IGF2BP3: variants seen among roughly 807,000 people sequenced by gnomAD.
The protein encoded by IGF2BP3 is insulin-like growth factor 2 mRNA-binding protein 3.
In IGF2BP3, 9 loss-of-function variants were observed where a neutral mutation model predicts 73.8. That is an observed-to-expected ratio of 0.12 (90% CI 0.07 to 0.21). IGF2BP3 has a LOEUF of 0.21. IGF2BP3 is among the 10% of genes least tolerant of loss of function. IGF2BP3 has a pLI of 1.00. For synonymous variants in IGF2BP3, 258 were observed against 256.7 expected (o/e 1.01, Z -0.05); for missense variants, 542 against 714.0 (o/e 0.76, Z 2.75).
chr7:23,397,999 G>A (rs1562726374), intron 3 of IGF2BP3, among the ~76,000 whole-genome samples: 1 of 152,264 alleles, frequency 6.6e-6, no homozygotes, highest in East Asian at 1.9e-4. Context: ...CAGAAGCAGA[G>A]GCTGAAGTGG....
intron 5 of IGF2BP3, among the ~76,000 whole-genome samples, chr7:23,359,779 C>A (rs755334306): frequency 5.3e-5 from 8 of 152,074 alleles, no homozygotes; most frequent in Non-Finnish European, 8.8e-5. Context: ...TCTCCCTGCC[C>A]TCACTTTTAT....
chr7:23,383,060 C>T (rs1785963011), intron 3 of IGF2BP3, among the ~76,000 whole-genome samples: 1 of 152,010 alleles, frequency 6.6e-6, no homozygotes, highest in South Asian at 2.1e-4. Flanking sequence ...GAGCGAGACT[C>T]TGTCTCAAAA....
rs534906030 is a variant in IGF2BP3 at position 23,448,641 on chromosome 7, GTTTT to G, written c.236+19837_236+19840del. Among the ~76,000 whole-genome samples, 44 of 146,784 alleles carry G rather than the reference GTTTT, an allele frequency of 3.0e-4. No individual in the cohort carries two copies. The South Asian group carries it at 7.3e-3, about 24-fold the overall frequency. ...TGTTTGTTTGTTTGTTTGTTTGTTT[GTTTT>G]TTTGAGGCAGAGTCTCGTTCTATCA... On this transcript the variant is annotated intron_variant, in intron 2 of 14. Coordinates refer to ENST00000258729, the MANE Select transcript of IGF2BP3 (RefSeq NM_006547.3).
chr7:23,350,015 C>T (rs577635212), intron 6 of IGF2BP3, among the ~76,000 whole-genome samples: 1 of 152,260 alleles, frequency 6.6e-6, no homozygotes, highest in East Asian at 1.9e-4. Context: ...ATTAATTTTG[C>T]ATTCAGGTAA....
chr7:23,328,021 C>T (rs1480746552), intron 10 of IGF2BP3, among the ~76,000 whole-genome samples: 2 of 152,030 alleles, frequency 1.3e-5, no homozygotes, highest in Non-Finnish European at 1.5e-5. Flanking sequence ...GAATTTTAAT[C>T]GTGTTTATTT....
chr7:23,312,988 G>A (rs2128490877), intron 13 of IGF2BP3, 140 bp from the exon 14 acceptor site: 1 of 605,718 alleles, frequency 1.7e-6, no homozygotes, highest in Non-Finnish European at 2.9e-6. Context: ...GAGGTTATTA[G>A]AATTATCCCC....
intron 3 of IGF2BP3, among the ~76,000 whole-genome samples, chr7:23,384,611 C>G (rs912848111): frequency 3.3e-5 from 5 of 152,154 alleles, no homozygotes; most frequent in Admixed American, 2.6e-4. Flanking sequence ...CTGGTAGGCA[C>G]TGGGCGAGGT....
intron 3 of IGF2BP3, among the ~76,000 whole-genome samples, chr7:23,417,549 C>CT (rs1272244167): frequency 1.3e-5 from 2 of 152,204 alleles, no homozygotes; most frequent in Non-Finnish European, 2.9e-5. Context: ...TGCTAGTACT[C>CT]TAATAATTTA....
chr7:23,344,339 A>C (rs1583912224), intron 8 of IGF2BP3, among the ~76,000 whole-genome samples: 1 of 152,218 alleles, frequency 6.6e-6, no homozygotes, highest in Admixed American at 6.5e-5. Flanking sequence ...GAAAGCATGG[A>C]AATATTCCAA....
chr7:23,364,581 TG>T (rs1287578874), intron 3 of IGF2BP3, among the ~76,000 whole-genome samples: 3 of 81,410 alleles, frequency 3.7e-5, no homozygotes, highest in South Asian at 4.3e-4. Flanking sequence ...AGCGGGAGGT[TG>T]GGGGGTGGGG....
chr7:23,362,903 G>A (rs1377894375), intron 3 of IGF2BP3, among the ~76,000 whole-genome samples: 1 of 151,988 alleles, frequency 6.6e-6, no homozygotes, highest in Non-Finnish European at 1.5e-5. Flanking sequence ...ACAGGTGCAC[G>A]CCGCCACCCT....
At chr7:23,316,253 T>C (rs1206030190) in intron 12 of IGF2BP3, among the ~76,000 whole-genome samples, 2 of 152,186 alleles carry the variant, frequency 1.3e-5, no homozygotes, top group East Asian at 1.9e-4. Flanking sequence ...TTTGGGTTTT[T>C]AGTGAAAAAA....
chr7:23,428,492 T>C (rs891711569), intron 2 of IGF2BP3, among the ~76,000 whole-genome samples: 3 of 150,116 alleles, frequency 2.0e-5, no homozygotes, highest in African/African-American at 7.3e-5. Flanking sequence ...AAAAATATTA[T>C]TGGCTTCTCT....
chr7:23,312,763 T>C lies in IGF2BP3; in HGVS notation c.1613A>G (p.Lys538Arg). Reference protein sequence around the residue: ...TPDENDQVVVKITGHFYACQV... With the variant: ...TPDENDQVVVRITGHFYACQV... ...GCAAGCATAGAAGTGACCAGTTATTTTGACAACCACTTGGTCATTCTCATC... is the reference window on the plus strand; with the variant it reads ...GCAAGCATAGAAGTGACCAGTTATTCTGACAACCACTTGGTCATTCTCATC... The change falls in exon 14 of 15, where the codon AAA becomes AGA. Residue 538 changes from lysine (K) to arginine (R), a missense_variant. Lys to Arg is a conservative substitution (Grantham distance 26, BLOSUM62 2). Around this residue, in one of 2 missense-constraint regions of IGF2BP3, gnomAD observed 303 missense variants for 472.1 expected, o/e 0.64. Coordinates refer to ENST00000258729, the MANE Select transcript of IGF2BP3 (RefSeq NM_006547.3). The C allele has an allele frequency of 6.2e-7, 1 of 1,611,424 alleles. No individual in the cohort carries two copies. Among genetic ancestry groups the C allele is most frequent in the South Asian group, 1.1e-5 (1 of 90,538 alleles).
chr7:23,399,272 T>A (rs1320156610), intron 3 of IGF2BP3, among the ~76,000 whole-genome samples: 1 of 152,126 alleles, frequency 6.6e-6, no homozygotes, highest in Admixed American at 6.5e-5. Context: ...GATCTATACC[T>A]CTGTTTTGGT....
At chr7:23,322,757 G>C (rs568294700) in intron 10 of IGF2BP3, among the ~76,000 whole-genome samples, 37 of 152,216 alleles carry the variant, frequency 2.4e-4, no homozygotes, top group South Asian at 6.2e-4. Context: ...AGAGAGTGGG[G>C]GCCGATATTC....
At chr7:23,460,948 T>A (rs748402034) in intron 2 of IGF2BP3, among the ~76,000 whole-genome samples, 1 of 152,070 alleles carries the variant, frequency 6.6e-6, no homozygotes, top group Non-Finnish European at 1.5e-5. Flanking sequence ...AGATTCTATC[T>A]CAAATAAATA....
At chr7:23,421,927 G>A (rs1206594986) in intron 2 of IGF2BP3, among the ~76,000 whole-genome samples, 1 of 151,948 alleles carries the variant, frequency 6.6e-6, no homozygotes, top group Non-Finnish European at 1.5e-5. Context: ...TGGGACTACA[G>A]ATGCATGCCA....
At chr7:23,384,378 G>T (rs1217230475) in intron 3 of IGF2BP3, among the ~76,000 whole-genome samples, 1 of 152,018 alleles carries the variant, frequency 6.6e-6, no homozygotes, top group East Asian at 1.9e-4. Context: ...AATTAATTGT[G>T]GTAGTATGTA....
Sources: allele counts gnomAD v4.1 joint callset (sites outside exome capture counted in the v4.1 genomes callset), GRCh38; gene constraint gnomAD v4.1.1; regional missense constraint gnomAD v4.1.1; transcripts MANE v1.5; gene names NCBI Gene and HGNC (gene_info 2026-07-23, HGNC 2026-07-21).